FYN: variants seen among roughly 807,000 people sequenced by gnomAD.
The protein encoded by FYN is FYN proto-oncogene, Src family tyrosine kinase.
Under a neutral mutation model 70.2 loss-of-function variants are expected in FYN, and 10 were observed. The ratio of observed to expected loss-of-function variants is 0.14; its 90% CI spans 0.09 to 0.24. The LOEUF is 0.24. FYN is among the 10% of genes least tolerant of loss of function. FYN has a pLI of 1.00. For missense variants in FYN, 319 were observed against 673.1 expected (o/e 0.47, Z 5.82); for synonymous variants, 236 against 248.6 (o/e 0.95, Z 0.48).
chr6:111,821,190 AAAAGAAC>A (rs2114363883), intron 2 of FYN, among the ~76,000 whole-genome samples: 1 of 152,136 alleles, frequency 6.6e-6, no homozygotes, highest in Non-Finnish European at 1.5e-5. Flanking sequence ...ATCCTAAGCC[AAAAGAAC>A]AAAGCTGGAG....
At chr6:111,744,470 C>A (rs1158156489) in intron 3 of FYN, among the ~76,000 whole-genome samples, 1 of 152,182 alleles carries the variant, frequency 6.6e-6, no homozygotes, top group African/African-American at 2.4e-5. Flanking sequence ...ACTCTTCAGG[C>A]CTTAGGGAGG....
At chr6:111,699,715 C>T in intron 9 of FYN, 1 of 1,541,694 alleles carries the variant, frequency 6.5e-7, no homozygotes, top group Non-Finnish European at 8.9e-7. Context: ...CCTTATAATC[C>T]ATAATTATGC....
At chr6:111,692,110 C>CA (rs1047467526) in intron 12 of FYN, among the ~76,000 whole-genome samples, 1 of 149,684 alleles carries the variant, frequency 6.7e-6, no homozygotes, top group East Asian at 2.0e-4. Context: ...TTCCCCCCCC[C>CA]CCAGTTCAGC....
chr6:111,842,414 G>A (rs1315667726), intron 2 of FYN, among the ~76,000 whole-genome samples: 4 of 152,078 alleles, frequency 2.6e-5, no homozygotes, highest in Non-Finnish European at 5.9e-5. Flanking sequence ...CCCACAAATG[G>A]CAGGGAGTTG....
chr6:111,825,919 A>G (rs1772821150), intron 2 of FYN, among the ~76,000 whole-genome samples: 1 of 152,174 alleles, frequency 6.6e-6, no homozygotes, highest in South Asian at 2.1e-4. Flanking sequence ...ACTAGATTGT[A>G]TTTCTTTGAC....
intron 2 of FYN, among the ~76,000 whole-genome samples, chr6:111,808,388 G>A (rs546143598): frequency 6.6e-6 from 1 of 152,210 alleles, no homozygotes; most frequent in African/African-American, 2.4e-5. Context: ...GGCTGAAGGG[G>A]CAAGGTGAGG....
intron 2 of FYN, chr6:111,820,127 G>A (rs968218072): frequency 2.6e-5 from 4 of 152,192 alleles, no homozygotes; most frequent in Non-Finnish European, 4.4e-5. Flanking sequence ...AACAGTCCAT[G>A]ATACTGAATG....
chr6:111,672,175 CTG>C (rs781018576), intron 13 of FYN, among the ~76,000 whole-genome samples: 11 of 152,224 alleles, frequency 7.2e-5, no homozygotes, highest in Non-Finnish European at 1.5e-4. Flanking sequence ...GTCCCTGGAA[CTG>C]TCCTCCCAGG....
chr6:111,784,330 A>G (rs1771286074), intron 2 of FYN, among the ~76,000 whole-genome samples: 1 of 152,214 alleles, frequency 6.6e-6, no homozygotes, highest in Non-Finnish European at 1.5e-5. Context: ...CTGACTAATC[A>G]GTCTCCAACA....
At chr6:111,817,641 C>T (rs1298366055) in intron 2 of FYN, among the ~76,000 whole-genome samples, 4 of 152,168 alleles carry the variant, frequency 2.6e-5, no homozygotes, top group African/African-American at 9.7e-5. Context: ...ACTCTGTGTG[C>T]ATCCAAGTGC....
chr6:111,746,879 CAGAG>C (rs148839242), intron 3 of FYN, among the ~76,000 whole-genome samples: 5 of 150,412 alleles, frequency 3.3e-5, no homozygotes, highest in African/African-American at 4.9e-5. Flanking sequence ...GAATGAGAGA[CAGAG>C]AGAGAGAGAG....
rs1474294585 is a variant in FYN, at chr6:111,862,413, G to A, written c.-123+10555C>T. 2.0e-5 allele frequency among the ~76,000 whole-genome samples: 3 copies of A among 152,316 alleles called. No homozygotes were observed. In the East Asian group the frequency reaches 5.8e-4, roughly 29 times the overall value. On this transcript the variant is annotated intron_variant, in intron 1 of 13. Transcript: ENST00000354650. ...TGAACCCAAACTGTGTTGTGGGTCA[G>A]TAGGGAGTAAATCTTGTGCCACCAG... is the stretch of plus-strand genomic sequence containing the variant.
At chr6:111,845,485 C>T (rs1206494175) in intron 2 of FYN, among the ~76,000 whole-genome samples, 1 of 152,182 alleles carries the variant, frequency 6.6e-6, no homozygotes, top group East Asian at 1.9e-4. Flanking sequence ...CCTGCAGAAG[C>T]TAGGTGCCTG....
At chr6:111,666,766 G>A (rs1247226357) in intron 13 of FYN, among the ~76,000 whole-genome samples, 1 of 152,170 alleles carries the variant, frequency 6.6e-6, no homozygotes, top group East Asian at 1.9e-4. Flanking sequence ...CCAGGAGGTT[G>A]AGGCTGTAGT....
At chr6:111,867,427 C>T (rs891078161) in intron 1 of FYN, among the ~76,000 whole-genome samples, 14 of 136,910 alleles carry the variant, frequency 1.0e-4, no homozygotes, top group African/African-American at 3.9e-4. Flanking sequence ...TGCACTCTAG[C>T]CTGGGCAACA....
intron 3 of FYN, among the ~76,000 whole-genome samples, chr6:111,776,599 T>C (rs1226204854): frequency 1.3e-5 from 2 of 152,156 alleles, no homozygotes; most frequent in African/African-American, 4.8e-5. Context: ...TGAGAGAATA[T>C]TACACCACAG....
In FYN at chr6:111,866,445, G is replaced by A. The variant is rs1311615466; in HGVS notation, c.-123+6523C>T. ...CAACCTCTGCCTCCCAGGCTCAAGC[G>A]ATTCGCCTGCCTCAGGCTCCCAAGT... On this transcript the variant is annotated intron_variant, in intron 1 of 13. Transcript: ENST00000354650. Among the ~76,000 whole-genome samples the A allele has an allele frequency of 2.6e-5, 4 of 152,320 alleles. No individual in the cohort carries two copies. In the East Asian group the frequency reaches 5.8e-4, roughly 22 times the overall value.
chr6:111,699,548 G>A (rs1167696293), intron 9 of FYN: 1 of 1,613,900 alleles, frequency 6.2e-7, no homozygotes, highest in Non-Finnish European at 8.5e-7. Context: ...CCCTGACCCA[G>A]CTTCTTCTCC....
chr6:111,679,627 G>A (rs1438827076), intron 12 of FYN, among the ~76,000 whole-genome samples: 1 of 152,066 alleles, frequency 6.6e-6, no homozygotes, highest in East Asian at 1.9e-4. Flanking sequence ...CTGCCCTCTG[G>A]TGAGTCTTCT....
Sources: allele counts gnomAD v4.1 joint callset (sites outside exome capture counted in the v4.1 genomes callset), GRCh38; gene constraint gnomAD v4.1.1; transcripts MANE v1.5; gene names NCBI Gene and HGNC (gene_info 2026-07-23, HGNC 2026-07-21).